HOMER1: variants seen among roughly 807,000 people sequenced by gnomAD.
HOMER1 encodes the protein homer scaffold protein 1.
A neutral mutation model predicts 48.9 loss-of-function variants in HOMER1; 3 were observed. The ratio of observed to expected loss-of-function variants is 0.06; its 90% CI spans 0.03 to 0.16. The LOEUF (loss-of-function observed/expected upper bound fraction) is 0.16, where lower values mean the gene tolerates loss of function less well. Among genes scored for constraint, HOMER1 ranks in the 10% least tolerant of loss-of-function variants. HOMER1 has a pLI of 1.00. For synonymous variants in HOMER1, 134 were observed against 146.4 expected, an observed-to-expected ratio of 0.92 and a Z score of 0.61; for missense variants, 247 against 411.4, an observed-to-expected ratio of 0.60 and a Z score of 3.46.
At chr5:79,417,145 CTT>C (rs34190629) in intron 5 of HOMER1, among the ~76,000 whole-genome samples, 69 of 142,946 alleles carry the variant, frequency 4.8e-4, no homozygotes, top group Non-Finnish European at 7.3e-4. Flanking sequence ...CGCACCCCTA[CTT>C]TTTTTTTTTT....
At chr5:79,397,739 T>C (rs765748854) in intron 6 of HOMER1, 102 bp from the exon 7 acceptor site, 45 of 546,154 alleles carry the variant, frequency 8.2e-5, no homozygotes, top group Non-Finnish European at 1.4e-4. Context: ...TCTGAATAAA[T>C]ATATAAAAAT....
intron 1 of HOMER1, among the ~76,000 whole-genome samples, chr5:79,511,715 T>C (rs1032696215): frequency 1.1e-4 from 17 of 152,256 alleles, no homozygotes; most frequent in Admixed American, 3.9e-4. Flanking sequence ...TTCAAAGTTA[T>C]GCATGTTAAA....
chr5:79,429,622 T>G (rs1403168656), intron 5 of HOMER1, among the ~76,000 whole-genome samples: 1 of 152,138 alleles, frequency 6.6e-6, no homozygotes, highest in African/African-American at 2.4e-5. Context: ...TATAAAACTC[T>G]CAGAAGAAAA....
chr5:79,505,053 G>A (rs1413957799), intron 1 of HOMER1, among the ~76,000 whole-genome samples: 1 of 152,000 alleles, frequency 6.6e-6, no homozygotes, highest in Non-Finnish European at 1.5e-5. Flanking sequence ...CAGGGTGGGT[G>A]GAGCACTTGA....
At chr5:79,486,847 T>G (rs527721550) in intron 1 of HOMER1, among the ~76,000 whole-genome samples, 43 of 152,194 alleles carry the variant, frequency 2.8e-4, no homozygotes, top group Non-Finnish European at 5.3e-4. Context: ...TTAAGCAAGG[T>G]AGGTAGTATG....
At chr5:79,473,975 T>C (rs900772726) in intron 1 of HOMER1, among the ~76,000 whole-genome samples, 1 of 152,166 alleles carries the variant, frequency 6.6e-6, no homozygotes, top group Non-Finnish European at 1.5e-5. Context: ...TTAGGTACTT[T>C]GGCAGAAATA....
chr5:79,454,255 G>T (rs1751103276), intron 2 of HOMER1, among the ~76,000 whole-genome samples: 1 of 152,008 alleles, frequency 6.6e-6, no homozygotes, highest in African/African-American at 2.4e-5. Flanking sequence ...CTTCCATATG[G>T]TTTCTTTTCT....
intron 5 of HOMER1, among the ~76,000 whole-genome samples, chr5:79,437,198 C>A (rs1338016032): frequency 1.3e-5 from 2 of 152,098 alleles, no homozygotes; most frequent in Non-Finnish European, 2.9e-5. Context: ...ATAGCTTTTA[C>A]AAATGTTAAA....
intron 8 of HOMER1, among the ~76,000 whole-genome samples, chr5:79,392,557 TA>T (rs1404492797): frequency 3.3e-5 from 5 of 152,144 alleles, no homozygotes; most frequent in Non-Finnish European, 5.9e-5. Flanking sequence ...AGTAAAAAGT[TA>T]AAAAAATTTT....
intron 8 of HOMER1, among the ~76,000 whole-genome samples, chr5:79,387,026 T>TCTCC (rs1387007232): frequency 7.3e-6 from 1 of 137,080 alleles, no homozygotes; most frequent in Non-Finnish European, 1.6e-5. Context: ...CTTCCTTCTT[T>TCTCC]CTCCCTCCCT....
chr5:79,379,022 G>A (rs1288681815), intron 8 of HOMER1, among the ~76,000 whole-genome samples: 2 of 132,402 alleles, frequency 1.5e-5, no homozygotes, highest in Admixed American at 1.7e-4. Context: ...GAGCACAGGG[G>A]CCAAGAGGTA....
intron 5 of HOMER1, among the ~76,000 whole-genome samples, chr5:79,427,868 C>A (rs1474063694): frequency 7.0e-6 from 1 of 143,144 alleles, no homozygotes; most frequent in Non-Finnish European, 1.5e-5. Flanking sequence ...ATATTATTTT[C>A]TTTCAATTAG....
At chr5:79,500,959 G>GACACACACACACACACAC (rs779298030) in intron 1 of HOMER1, among the ~76,000 whole-genome samples, 33 of 129,934 alleles carry the variant, frequency 2.5e-4, no homozygotes, top group African/African-American at 6.9e-4. Flanking sequence ...GTGTGAGACA[G>GACACACACACACACACAC]ACAGACACAC....
chr5:79,492,907 CT>C (rs558428061), intron 1 of HOMER1, among the ~76,000 whole-genome samples: 3,941 of 83,950 alleles, frequency 0.047, 127 homozygotes, highest in African/African-American at 0.076. Flanking sequence ...AAAACTTTGT[CT>C]TTTTTTTTTT....
chr5:79,431,542 A>G (rs915775411), intron 5 of HOMER1, among the ~76,000 whole-genome samples: 1 of 152,116 alleles, frequency 6.6e-6, no homozygotes, highest in Non-Finnish European at 1.5e-5. Flanking sequence ...AAATGTTCTA[A>G]AATTCACTGT....
At chr5:79,487,201 C>T (rs1234735594) in intron 1 of HOMER1, among the ~76,000 whole-genome samples, 2 of 152,170 alleles carry the variant, frequency 1.3e-5, no homozygotes, top group African/African-American at 4.8e-5. Context: ...ATCGCTTGAA[C>T]CCGGGAGGCA....
At chr5:79,450,689 G>A (rs1168350260) in intron 3 of HOMER1, among the ~76,000 whole-genome samples, 1 of 152,052 alleles carries the variant, frequency 6.6e-6, no homozygotes, top group African/African-American at 2.4e-5. Context: ...TCCAATTGAG[G>A]GTACTAATCT....
chr5:79,386,162 C>T (rs1409330821), intron 8 of HOMER1, among the ~76,000 whole-genome samples: 1 of 152,078 alleles, frequency 6.6e-6, no homozygotes, highest in Non-Finnish European at 1.5e-5. Context: ...GATACCCACA[C>T]TGGGATGTTT....
chr5:79,383,598 C>T lies in HOMER1; in HGVS notation c.877-7401G>A, dbSNP rs552618664. Among the ~76,000 whole-genome samples the T allele has an allele frequency of 4.6e-5, 7 of 152,120 alleles. No individual in the cohort carries two copies. In the South Asian group the frequency reaches 1.5e-3, roughly 32 times the overall value. On this transcript the variant is annotated intron_variant, in intron 8 of 8. Coordinates refer to ENST00000334082, the MANE Select transcript of HOMER1 (RefSeq NM_004272.5). ...ACAGAGTTTCACCATGTTGGCCAGG[C>T]TGGTCTCGAACTCCTGACCTTGTGA...
Sources: allele counts gnomAD v4.1 joint callset (sites outside exome capture counted in the v4.1 genomes callset), GRCh38; gene constraint gnomAD v4.1.1; transcripts MANE v1.5; gene names NCBI Gene and HGNC (gene_info 2026-07-23, HGNC 2026-07-21).